Variants in WDR72 observed in about 807,000 individuals in gnomAD.
WDR72 encodes WD repeat-containing protein 72.
A neutral mutation model predicts 124.2 loss-of-function variants in WDR72; 120 were observed. That is an observed-to-expected ratio of 0.97 (90% CI 0.83 to 1.12). The LOEUF (loss-of-function observed/expected upper bound fraction) is 1.12, where lower values mean the gene tolerates loss of function less well. Among genes scored for constraint, WDR72 ranks in the 50% most tolerant of loss-of-function variants. The pLI is 0.00. For synonymous variants in WDR72, 452 were observed against 441.7 expected (o/e 1.02, Z -0.29); for missense variants, 1,387 against 1,278.8 (o/e 1.08, Z -1.29).
chr15:53,548,864 C>G (rs940544851), intron 18 of WDR72, among the ~76,000 whole-genome samples: 11 of 152,198 alleles, frequency 7.2e-5, no homozygotes, highest in Admixed American at 6.5e-4. Context: ...TTAGCATAGA[C>G]AGCAATGCAA....
chr15:53,726,662 T>G (rs1018362335), intron 2 of WDR72, among the ~76,000 whole-genome samples: 1 of 151,974 alleles, frequency 6.6e-6, no homozygotes, highest in Non-Finnish European at 1.5e-5. Flanking sequence ...GGCAATGTAG[T>G]GAGACCTCAT....
chr15:53,576,401 G>C (rs1894756221), intron 18 of WDR72, among the ~76,000 whole-genome samples: 1 of 152,072 alleles, frequency 6.6e-6, no homozygotes, highest in Non-Finnish European at 1.5e-5. Context: ...GTAAGGTATA[G>C]AGCCTCCAGT....
chr15:53,743,624 G>T (rs1395246487), intron 1 of WDR72, among the ~76,000 whole-genome samples: 1 of 152,048 alleles, frequency 6.6e-6, no homozygotes, highest in Non-Finnish European at 1.5e-5. Flanking sequence ...AAATCATTAG[G>T]ATTTCCGGTT....
chr15:53,591,232 G>A (rs1391596343), intron 18 of WDR72, among the ~76,000 whole-genome samples: 2 of 151,974 alleles, frequency 1.3e-5, no homozygotes, highest in Non-Finnish European at 2.9e-5. Context: ...CACTTTTATG[G>A]TTAATGATTC....
rs758330355 is a variant in WDR72, at chr15:53,516,693, T to C, written c.*1006A>G. On this transcript the variant is annotated 3_prime_UTR_variant, in exon 20 of 20. Coordinates refer to ENST00000360509, the MANE Select transcript of WDR72 (RefSeq NM_182758.4). ...TAGATAGATATAGCTATATATCACATATTTAATACTTTATATCCTTTTTTC... is the reference window on the plus strand; with the variant it reads ...TAGATAGATATAGCTATATATCACACATTTAATACTTTATATCCTTTTTTC... 1.9e-4 allele frequency: 29 copies of C among 152,058 alleles called. No homozygotes were observed. The highest frequency in any genetic ancestry group is 4.0e-4 in the Non-Finnish European group (27 of 67,986). The allele number at this position is 152,058 out of a possible 1,614,324, so 9.4% of individuals were successfully genotyped here.
intron 18 of WDR72, among the ~76,000 whole-genome samples, chr15:53,577,051 T>C (rs2011653489): frequency 6.6e-6 from 1 of 152,166 alleles, no homozygotes; most frequent in South Asian, 2.1e-4. Context: ...GCATTTTAGC[T>C]TGAAAAGATC....
At chr15:53,573,431 T>G (rs1005792803) in intron 18 of WDR72, among the ~76,000 whole-genome samples, 8 of 152,214 alleles carry the variant, frequency 5.3e-5, no homozygotes, top group African/African-American at 1.7e-4. Context: ...AGGCTAAAAT[T>G]TTTCTGATTC....
intron 13 of WDR72, among the ~76,000 whole-genome samples, chr15:53,696,450 T>A (rs2017005451): frequency 6.6e-6 from 1 of 152,190 alleles, no homozygotes; most frequent in South Asian, 2.1e-4. Context: ...GGTGAATTAA[T>A]TCATACTCAA....
upstream of WDR72, chr15:53,762,547 C>CT (rs1341841706): frequency 1.3e-5 from 2 of 152,288 alleles, no homozygotes; most frequent in Admixed American, 1.3e-4. Context: ...GCCATCAACT[C>CT]TTTAATGAAT....
chr15:53,631,252 C>T (rs545252303), intron 14 of WDR72, among the ~76,000 whole-genome samples: 1 of 152,244 alleles, frequency 6.6e-6, no homozygotes, highest in South Asian at 2.1e-4. Flanking sequence ...TCCCTCGCTC[C>T]TTCTCCAGCC....
At chr15:53,635,200 A>G (rs1188575667) in intron 14 of WDR72, among the ~76,000 whole-genome samples, 2 of 152,188 alleles carry the variant, frequency 1.3e-5, no homozygotes, top group Non-Finnish European at 2.9e-5. Context: ...AGAGATACAC[A>G]TTTATCACCA....
intron 18 of WDR72, among the ~76,000 whole-genome samples, chr15:53,537,021 CT>C (rs1468564599): frequency 4.6e-5 from 7 of 152,156 alleles, no homozygotes; most frequent in African/African-American, 1.7e-4. Context: ...CCATCATCAC[CT>C]TTTTTCTTAA....
chr15:53,695,180 G>T (rs546723787), intron 13 of WDR72, among the ~76,000 whole-genome samples: 1 of 152,258 alleles, frequency 6.6e-6, no homozygotes, highest in South Asian at 2.1e-4. Context: ...TACTTAATAT[G>T]GCATATTTCC....
intron 13 of WDR72, among the ~76,000 whole-genome samples, chr15:53,671,090 T>C (rs953391518): frequency 6.6e-6 from 1 of 152,190 alleles, no homozygotes; most frequent in Non-Finnish European, 1.5e-5. Context: ...TAGATAATAC[T>C]TCTTAATAGA....
chr15:53,543,245 T>G lies in WDR72; in HGVS notation c.3149-19923A>C, dbSNP rs1397486095. ...CCAAAATTGACCACATACTTGGAAGTAAAGCTCTCCTCAGCAAATGTAAAA... is the reference window on the plus strand; with the variant it reads ...CCAAAATTGACCACATACTTGGAAGGAAAGCTCTCCTCAGCAAATGTAAAA... On this transcript the variant is annotated intron_variant, in intron 18 of 19. Transcript: ENST00000360509. Among the ~76,000 whole-genome samples, 8 of 149,274 alleles carry G rather than the reference T, an allele frequency of 5.4e-5. No homozygotes were observed. In the East Asian group the frequency reaches 1.6e-3, roughly 30 times the overall value.
At chr15:53,662,720 G>A (rs1476841140) in intron 14 of WDR72, among the ~76,000 whole-genome samples, 3 of 151,978 alleles carry the variant, frequency 2.0e-5, no homozygotes, top group African/African-American at 4.8e-5. Context: ...AAACTTATAA[G>A]CACCCATAAC....
Position 53,705,951 on chromosome 15 carries a change from A to G in WDR72, c.1078T>C (p.Ser360Pro). ...TLWHIPDVPVSKFDGSPREIP... is the reference protein window; with the variant it reads ...TLWHIPDVPVPKFDGSPREIP... ...CCTCTAGGAGAACCATCAAACTTGG[A>G]TACAGGAACATCAGGGATGTGCCAC... The change falls in exon 10 of 20, where the codon TCC (serine) becomes CCC (proline). Residue 360 changes from serine to proline, a missense_variant. Physicochemically the swap from Ser to Pro is moderately conservative, Grantham distance 74. Transcript: ENST00000360509. The G allele has an allele frequency of 1.9e-6, 3 of 1,614,120 alleles. No individual in the cohort carries two copies. Among genetic ancestry groups the G allele is most frequent in the Non-Finnish European group, 2.5e-6 (3 of 1,180,008 alleles).
At chr15:53,743,512 G>T (rs574812220) in intron 1 of WDR72, among the ~76,000 whole-genome samples, 2 of 152,202 alleles carry the variant, frequency 1.3e-5, no homozygotes, top group African/African-American at 4.8e-5. Flanking sequence ...TTCTAAATAA[G>T]AGATGTTTCA....
chr15:53,527,660 AT>A (rs1433643221), intron 18 of WDR72, among the ~76,000 whole-genome samples: 21 of 152,192 alleles, frequency 1.4e-4, no homozygotes, highest in African/African-American at 4.3e-4. Flanking sequence ...AAAATCATTA[AT>A]TAAAAGATAG....
Sources: allele counts gnomAD v4.1 joint callset (sites outside exome capture counted in the v4.1 genomes callset), GRCh38; gene constraint gnomAD v4.1.1; transcripts MANE v1.5; gene names NCBI Gene and HGNC (gene_info 2026-07-23, HGNC 2026-07-21).